Variants in RASGRP3 observed in about 807,000 individuals in gnomAD.
RASGRP3 encodes the protein RAS guanyl releasing protein 3, also known as ras guanyl-releasing protein 3.
A neutral mutation model predicts 82.7 loss-of-function variants in RASGRP3; 54 were observed. The observed-to-expected ratio is 0.65, with a 90% CI of 0.52 to 0.82. The LOEUF (loss-of-function observed/expected upper bound fraction) is 0.82. Ranked by LOEUF, RASGRP3 falls within the 40% of genes least tolerant of loss-of-function variation. The pLI is 0.00. For synonymous variants in RASGRP3, 309 were observed against 300.5 expected, an observed-to-expected ratio of 1.03 and a Z score of -0.29; for missense variants, 861 against 828.9, an observed-to-expected ratio of 1.04 and a Z score of -0.48.
At chr2:33,449,134 G>C (rs1665652489) in intron 2 of RASGRP3, among the ~76,000 whole-genome samples, 1 of 152,204 alleles carries the variant, frequency 6.6e-6, no homozygotes, top group Non-Finnish European at 1.5e-5. Flanking sequence ...GTGCAAGTGT[G>C]ATTGAGACCT....
At chr2:33,519,743 A>G (rs2151019223) in intron 4 of RASGRP3, among the ~76,000 whole-genome samples, 1 of 152,334 alleles carries the variant, frequency 6.6e-6, no homozygotes, top group African/African-American at 2.4e-5. Flanking sequence ...CTTCTTCTTC[A>G]GACCAAAAAA....
At chr2:33,441,658 C>T (rs886492205) in intron 1 of RASGRP3, among the ~76,000 whole-genome samples, 1 of 152,252 alleles carries the variant, frequency 6.6e-6, no homozygotes, top group African/African-American at 2.4e-5. Context: ...AAAAATACTT[C>T]ACCTGTTTAC....
chr2:33,448,155 C>T (rs150692897), intron 2 of RASGRP3, among the ~76,000 whole-genome samples: 97 of 152,290 alleles, frequency 6.4e-4, no homozygotes, highest in African/African-American at 2.3e-3. Flanking sequence ...AATGCTATAA[C>T]ATTTATATAC....
intron 14 of RASGRP3, among the ~76,000 whole-genome samples, chr2:33,554,045 C>T (rs1383254317): frequency 6.6e-6 from 1 of 152,054 alleles, no homozygotes; most frequent in Non-Finnish European, 1.5e-5. Context: ...CTGACATTTG[C>T]ATTTTAATAT....
At chr2:33,464,800 G>A (rs747762533) in intron 2 of RASGRP3, among the ~76,000 whole-genome samples, 2 of 152,082 alleles carry the variant, frequency 1.3e-5, no homozygotes, top group Non-Finnish European at 2.9e-5. Context: ...TGTTACTATT[G>A]TAAGTGTTTT....
intron 1 of RASGRP3, among the ~76,000 whole-genome samples, chr2:33,511,418 A>G (rs1574383698): frequency 1.3e-5 from 2 of 152,318 alleles, no homozygotes; most frequent in South Asian, 4.1e-4. Context: ...TAATCCACTG[A>G]TATATTTGCA....
chr2:33,543,757 A>C (rs1423509191), intron 13 of RASGRP3, 130 bp downstream of exon 13: 1 of 642,904 alleles, frequency 1.6e-6, no homozygotes, highest in African/African-American at 1.8e-5. Context: ...AGCCAGGTTT[A>C]ATTTGTCACT....
At chr2:33,448,787 A>AT (rs1665635734) in intron 2 of RASGRP3, among the ~76,000 whole-genome samples, 1 of 152,210 alleles carries the variant, frequency 6.6e-6, no homozygotes, top group East Asian at 1.9e-4. Context: ...ACTGAATAGT[A>AT]CACGTAAAAA....
chr2:33,548,245 C>T (rs2151089635), intron 13 of RASGRP3, among the ~76,000 whole-genome samples: 1 of 151,398 alleles, frequency 6.6e-6, no homozygotes, highest in East Asian at 2.0e-4. Flanking sequence ...CCTGTAGTCC[C>T]AGCTACTCGG....
At chr2:33,473,751 A>T (rs1266069751), upstream of RASGRP3, among the ~76,000 whole-genome samples, 1 of 152,180 alleles carries the variant, frequency 6.6e-6, no homozygotes, top group Non-Finnish European at 1.5e-5. Flanking sequence ...TTTGCTTCAT[A>T]GGGAGGATTG....
At chr2:33,562,305 T>C (rs1676759294) in intron 17 of RASGRP3, among the ~76,000 whole-genome samples, 1 of 150,316 alleles carries the variant, frequency 6.7e-6, no homozygotes, top group African/African-American at 2.5e-5. Context: ...GATCTCACTG[T>C]CCCCCTGGCA....
chr2:33,448,761 G>A (rs1014198620), intron 2 of RASGRP3, among the ~76,000 whole-genome samples: 1 of 152,092 alleles, frequency 6.6e-6, no homozygotes, highest in Non-Finnish European at 1.5e-5. Context: ...ACAACATTGT[G>A]AATGTAATTA....
At chr2:33,551,377 C>G (rs1675342638) in intron 14 of RASGRP3, among the ~76,000 whole-genome samples, 1 of 152,106 alleles carries the variant, frequency 6.6e-6, no homozygotes. Context: ...TTGGAAATAC[C>G]TAGACCTGAA....
chr2:33,450,274 AT>A (rs1665717803), intron 2 of RASGRP3, among the ~76,000 whole-genome samples: 1 of 152,092 alleles, frequency 6.6e-6, no homozygotes, highest in Non-Finnish European at 1.5e-5. Flanking sequence ...CCTCTTAGCA[AT>A]TTTCAAGTAT....
chr2:33,548,772 T>G (rs902836391), intron 13 of RASGRP3, among the ~76,000 whole-genome samples: 1 of 151,552 alleles, frequency 6.6e-6, no homozygotes, highest in Non-Finnish European at 1.5e-5. Flanking sequence ...AGTGGTGTGA[T>G]CTCGGCTCAC....
chr2:33,536,679 C>T (rs1673643937), intron 11 of RASGRP3, among the ~76,000 whole-genome samples: 1 of 152,118 alleles, frequency 6.6e-6, no homozygotes, highest in Non-Finnish European at 1.5e-5. Flanking sequence ...ACGAATCTAA[C>T]ACAAGACATT....
At chr2:33,437,354 C>T (rs1003290271) in intron 1 of RASGRP3, among the ~76,000 whole-genome samples, 1 of 152,208 alleles carries the variant, frequency 6.6e-6, no homozygotes, top group Non-Finnish European at 1.5e-5. Flanking sequence ...TAGGGACATT[C>T]CAAATTCTTT....
chr2:33,523,984 A>T lies in RASGRP3; in HGVS notation c.622A>T (p.Met208Leu). Residue 208 changes from methionine (M) to leucine (L), a missense_variant, in exon 8 of 18, where the codon ATG (methionine) becomes TTG (leucine). Transcript: ENST00000403687. The stretch of plus-strand genomic sequence containing the variant: ...TGGAATCTCTAAGTGGGTCCAGTTG[A>T]TGGTTCTTAGCAAACCAACCCCCCA... ...FNGISKWVQL[M>L]VLSKPTPQQR... 6.2e-7 allele frequency: 1 copy of T among 1,613,962 alleles called. No homozygotes were observed. The highest frequency in any genetic ancestry group is 1.1e-5 in the South Asian group (1 of 91,084).
chr2:33,492,787 C>G (rs953943930), intron 1 of RASGRP3, among the ~76,000 whole-genome samples: 1 of 152,204 alleles, frequency 6.6e-6, no homozygotes, highest in Admixed American at 6.5e-5. Context: ...AGACAGGCCT[C>G]TACCCTGGAA....
Sources: allele counts gnomAD v4.1 joint callset (sites outside exome capture counted in the v4.1 genomes callset), GRCh38; gene constraint gnomAD v4.1.1; transcripts MANE v1.5; gene names NCBI Gene and HGNC (gene_info 2026-07-23, HGNC 2026-07-21).